The following GAP43 variants were observed in gnomAD, a reference collection of about 807,000 sequenced individuals.
GAP43 encodes the protein neuromodulin.
A neutral mutation model predicts 18.6 loss-of-function variants in GAP43; 6 were observed. The ratio of observed to expected loss-of-function variants is 0.32; its 90% CI spans 0.18 to 0.64. The LOEUF (loss-of-function observed/expected upper bound fraction) is 0.64. Among genes scored for constraint, GAP43 ranks in the 30% least tolerant of loss-of-function variants. The pLI is 0.78. For missense variants in GAP43, 292 were observed against 295.5 expected (o/e 0.99, Z 0.09); for synonymous variants, 115 against 111.4 (o/e 1.03, Z -0.20).
intron 2 of GAP43, among the ~76,000 whole-genome samples, chr3:115,707,761 GC>G (rs1436735184): frequency 2.0e-5 from 3 of 151,926 alleles, no homozygotes; most frequent in African/African-American, 7.2e-5. Context: ...ATTAAAGTTA[GC>G]AAAAAAATGG....
At chr3:115,700,381 G>A (rs570263603) in intron 2 of GAP43, among the ~76,000 whole-genome samples, 2 of 152,090 alleles carry the variant, frequency 1.3e-5, no homozygotes, top group Admixed American at 6.6e-5. Flanking sequence ...CGCCTGTTTT[G>A]TGACAGCATT....
In GAP43 at chr3:115,687,438, A is replaced by G. The variant is rs16823999; in HGVS notation, c.628+10828A>G. Among the ~76,000 whole-genome samples, 111 of 152,374 alleles carry G rather than the reference A, an allele frequency of 7.3e-4. No individual in the cohort carries two copies. The East Asian group carries it at 0.02, about 28-fold the overall frequency. Reference sequence around the variant, plus strand: ...TAACTTCTAAACATGGCTTTAGGCAACTAACCACTGTTCCATTTAATTTTA... The same window carrying G: ...TAACTTCTAAACATGGCTTTAGGCAGCTAACCACTGTTCCATTTAATTTTA... On this transcript the variant is annotated intron_variant, in intron 2 of 2. Coordinates refer to ENST00000305124, the MANE Select transcript of GAP43 (RefSeq NM_002045.4).
chr3:115,663,339 C>G (rs1221684271), intron 1 of GAP43, among the ~76,000 whole-genome samples: 1 of 152,140 alleles, frequency 6.6e-6, no homozygotes, highest in Non-Finnish European at 1.5e-5. Context: ...ATCGCAGAAC[C>G]TTCTCTTTAC....
intron 1 of GAP43, among the ~76,000 whole-genome samples, chr3:115,626,547 A>G: frequency 6.6e-6 from 1 of 152,134 alleles, no homozygotes; most frequent in East Asian, 1.9e-4. Flanking sequence ...AATCCCTAAT[A>G]TTGTATTGCC....
At chr3:115,641,267 C>CCCTA (rs1708391932) in intron 1 of GAP43, among the ~76,000 whole-genome samples, 1 of 151,724 alleles carries the variant, frequency 6.6e-6, no homozygotes, top group Non-Finnish European at 1.5e-5. Flanking sequence ...TTTCCTCATT[C>CCCTA]CCTATCTGGT....
chr3:115,628,281 T>C (rs1708216567), intron 1 of GAP43, among the ~76,000 whole-genome samples: 1 of 151,938 alleles, frequency 6.6e-6, no homozygotes. Flanking sequence ...TGCTCTTTCT[T>C]GAGATTTCAT....
chr3:115,720,663 ATC>A lies in GAP43; in HGVS notation c.629-127_629-126del, dbSNP rs1709565472. 3 of 581,660 alleles carry A rather than the reference ATC, an allele frequency of 5.2e-6. No individual in the cohort carries two copies. In the East Asian group the frequency reaches 9.3e-5, roughly 18 times the overall value. 36.0% of individuals were successfully genotyped at this position (581,660 alleles called of 1,614,324 possible). ...ACCTACATTAACTGGGATATTAATA[ATC>A]TCTTTTAATCTTAATGCTCTTATGA... On this transcript the variant is annotated intron_variant, in intron 2 of 2. Transcript: ENST00000305124.
At chr3:115,707,888 CATT>C (rs987321375) in intron 2 of GAP43, among the ~76,000 whole-genome samples, 2 of 151,916 alleles carry the variant, frequency 1.3e-5, no homozygotes, top group Non-Finnish European at 2.9e-5. Context: ...ATCATGGTAA[CATT>C]ATAGGACCAC....
chr3:115,713,235 G>C (rs1430015596), intron 2 of GAP43, among the ~76,000 whole-genome samples: 1 of 152,126 alleles, frequency 6.6e-6, no homozygotes, highest in Non-Finnish European at 1.5e-5. Context: ...ATTCAAGAAA[G>C]ATGAAAATAA....
chr3:115,653,525 C>T (rs762595677), intron 1 of GAP43, among the ~76,000 whole-genome samples: 2 of 152,130 alleles, frequency 1.3e-5, no homozygotes, highest in Non-Finnish European at 2.9e-5. Flanking sequence ...GGTGTCTGCC[C>T]CTACTTTGTG....
At chr3:115,707,036 G>A (rs980183548) in intron 2 of GAP43, among the ~76,000 whole-genome samples, 2 of 152,146 alleles carry the variant, frequency 1.3e-5, no homozygotes, top group Non-Finnish European at 2.9e-5. Context: ...TTACCTATAT[G>A]TGAAACCTCT....
In GAP43 at chr3:115,681,387, G is replaced by A. The variant is rs377319529; in HGVS notation, c.628+4777G>A. Among the ~76,000 whole-genome samples, 66 of 152,206 alleles carry A rather than the reference G, an allele frequency of 4.3e-4. 1 individual carries two copies. The highest frequency in any genetic ancestry group is 1.5e-3 in the African/African-American group (62 of 41,548). ...TTCTTTCTCTCTATTAAGGTGTTATGTTTTGTCTCAGTTTCTGCATTTTCT... is the reference window on the plus strand; with the variant it reads ...TTCTTTCTCTCTATTAAGGTGTTATATTTTGTCTCAGTTTCTGCATTTTCT... On this transcript the variant is annotated intron_variant, in intron 2 of 2. Coordinates refer to ENST00000305124, the MANE Select transcript of GAP43 (RefSeq NM_002045.4).
At chr3:115,657,371 C>T (rs1023037742) in intron 1 of GAP43, among the ~76,000 whole-genome samples, 1 of 152,182 alleles carries the variant, frequency 6.6e-6, no homozygotes, top group Non-Finnish European at 1.5e-5. Flanking sequence ...TAGTTACCAC[C>T]AGATGGTGAA....
chr3:115,647,979 A>G (rs1003325986), intron 1 of GAP43, among the ~76,000 whole-genome samples: 1 of 152,148 alleles, frequency 6.6e-6, no homozygotes, highest in African/African-American at 2.4e-5. Context: ...ATTTAAATGT[A>G]AAATGAATTG....
intron 1 of GAP43, among the ~76,000 whole-genome samples, chr3:115,648,056 T>C (rs977833132): frequency 1.3e-5 from 2 of 152,166 alleles, no homozygotes; most frequent in Non-Finnish European, 2.9e-5. Flanking sequence ...TCTCTGCCAA[T>C]ACATGTGGTC....
chr3:115,645,427 A>G (rs558649017), intron 1 of GAP43, among the ~76,000 whole-genome samples: 1 of 152,046 alleles, frequency 6.6e-6, no homozygotes, highest in African/African-American at 2.4e-5. Flanking sequence ...TCAGATGTAG[A>G]GACCAAAGAA....
intron 1 of GAP43, among the ~76,000 whole-genome samples, chr3:115,647,236 A>T (rs915035277): frequency 3.9e-5 from 6 of 151,940 alleles, no homozygotes; most frequent in Non-Finnish European, 8.8e-5. Context: ...TATTATACAG[A>T]AGGCAGGCCC....
chr3:115,689,368 G>C (rs550233437), intron 2 of GAP43, among the ~76,000 whole-genome samples: 1 of 152,268 alleles, frequency 6.6e-6, no homozygotes, highest in South Asian at 2.1e-4. Flanking sequence ...GCACATAGAA[G>C]GCTCTCAATA....
At chr3:115,686,365 T>C (rs1388233146) in intron 2 of GAP43, among the ~76,000 whole-genome samples, 1 of 152,228 alleles carries the variant, frequency 6.6e-6, no homozygotes, top group Non-Finnish European at 1.5e-5. Context: ...CTGTTGAGCA[T>C]TGTACACTTG....
Sources: allele counts gnomAD v4.1 joint callset (sites outside exome capture counted in the v4.1 genomes callset), GRCh38; gene constraint gnomAD v4.1.1; transcripts MANE v1.5; gene names NCBI Gene and HGNC (gene_info 2026-07-23, HGNC 2026-07-21).